MGST3: variants seen among roughly 807,000 people sequenced by gnomAD.
MGST3 encodes the protein glutathione S-transferase 3, mitochondrial.
A neutral mutation model predicts 15.8 loss-of-function variants in MGST3; 13 were observed. That is an observed-to-expected ratio of 0.82 (90% CI 0.54 to 1.31). The LOEUF is 1.31. Ranked by LOEUF, MGST3 falls within the 50% of genes most tolerant of loss-of-function variation. The pLI is 0.00. For missense variants in MGST3, 155 were observed against 192.4 expected (o/e 0.81, Z 1.15); for synonymous variants, 49 against 68.1 (o/e 0.72, Z 1.38).
At chr1:165,638,117 C>A (rs1648163964) in intron 1 of MGST3, among the ~76,000 whole-genome samples, 1 of 152,136 alleles carries the variant, frequency 6.6e-6, no homozygotes, top group Non-Finnish European at 1.5e-5. Context: ...TACTCCAAAA[C>A]AATCATGTTT....
intron 1 of MGST3, among the ~76,000 whole-genome samples, chr1:165,641,910 A>T (rs1648274195): frequency 2.0e-5 from 3 of 152,378 alleles, no homozygotes; most frequent in South Asian, 2.1e-4. Context: ...TAGATAATTC[A>T]AATTTCTTTT....
chr1:165,650,152 G>A lies in MGST3; in HGVS notation c.117+188G>A. 11 of 729,026 alleles carry A rather than the reference G, an allele frequency of 1.5e-5. No individual in the cohort carries two copies. The South Asian group carries it at 2.0e-4, about 13-fold the overall frequency. The allele number at this position is 729,026 out of a possible 1,614,324, so 45.2% of individuals were successfully genotyped here. A position where few individuals can be genotyped will look rare whatever the true frequency, so the allele number is the denominator to read the frequency against. ...GGCAAGAAATACAGGGCCCTGCTAGGGAGTAGTTTCCATCTTGTTTGACTT... is the reference window on the plus strand; with the variant it reads ...GGCAAGAAATACAGGGCCCTGCTAGAGAGTAGTTTCCATCTTGTTTGACTT... On this transcript the variant is annotated intron_variant, in intron 2 of 5. Coordinates refer to ENST00000367889, the MANE Select transcript of MGST3 (RefSeq NM_004528.4).
chr1:165,631,935 C>T (rs1204105033), intron 1 of MGST3: 1 of 348,904 alleles, frequency 2.9e-6, no homozygotes, highest in Non-Finnish European at 5.3e-6. Flanking sequence ...GTGGGGGACT[C>T]TTCAGGTTCT....
At chr1:165,646,621 A>G (rs1362114812) in intron 1 of MGST3, 1 of 152,380 alleles carries the variant, frequency 6.6e-6, no homozygotes, top group East Asian at 1.9e-4. Context: ...ACTTTATACC[A>G]GACACTGTGC....
At chr1:165,645,503 C>T (rs111546110) in intron 1 of MGST3, among the ~76,000 whole-genome samples, 3 of 152,192 alleles carry the variant, frequency 2.0e-5, no homozygotes, top group African/African-American at 7.2e-5. Flanking sequence ...AGAAGGAATA[C>T]ACTATAATGC....
intron 3 of MGST3, 152 bp downstream of exon 3, chr1:165,651,239 G>A (rs11576383): frequency 1.4e-6 from 1 of 706,434 alleles, no homozygotes; most frequent in African/African-American, 1.7e-5. Context: ...TTATGTATGT[G>A]AACACATTGA....
At chr1:165,633,151 C>T (rs1036929994) in intron 1 of MGST3, among the ~76,000 whole-genome samples, 2 of 152,030 alleles carry the variant, frequency 1.3e-5, no homozygotes, top group Admixed American at 6.6e-5. Context: ...TCTTCCTGAA[C>T]AAAAAATTTA....
At chr1:165,650,688 C>T (rs921290171) in intron 2 of MGST3, 11 of 372,688 alleles carry the variant, frequency 3.0e-5, no homozygotes, top group Admixed American at 2.3e-4. Flanking sequence ...TATTTCCCTA[C>T]AGTATCTTTG....
intron 4 of MGST3, chr1:165,653,651 C>A (rs759420787): frequency 3.9e-4 from 61 of 155,488 alleles, no homozygotes; most frequent in Non-Finnish European, 7.8e-4. Context: ...GCATGACAGC[C>A]AAAGGGATGG....
chr1:165,649,348 T>TTC (rs144759247), intron 1 of MGST3: 32 of 162,446 alleles, frequency 2.0e-4, no homozygotes, highest in Admixed American at 5.3e-4. Context: ...CTTTCTTGCT[T>TTC]TCTCTCTCTC....
chr1:165,642,394 CT>C (rs1648285369), intron 1 of MGST3, among the ~76,000 whole-genome samples: 1 of 152,232 alleles, frequency 6.6e-6, no homozygotes, highest in Non-Finnish European at 1.5e-5. Context: ...TTCCTTCTGG[CT>C]GCTTCTGCCT....
intron 1 of MGST3, among the ~76,000 whole-genome samples, chr1:165,632,686 C>A (rs1157788908): frequency 6.6e-6 from 1 of 151,948 alleles, no homozygotes; most frequent in Non-Finnish European, 1.5e-5. Flanking sequence ...ATAGAAACTG[C>A]GCTACAGGGG....
Position 165,655,720 on chromosome 1 carries a change from C to T in MGST3, c.*216C>T, listed in dbSNP as rs1571158831. On this transcript the variant is annotated 3_prime_UTR_variant, in exon 6 of 6. Transcript: ENST00000367889. ...GGAGCCACAAGTATTGTGCCCTCTCCTCACCCTTCCAGCAGATGCTTCTGT... is the reference window on the plus strand; with the variant it reads ...GGAGCCACAAGTATTGTGCCCTCTCTTCACCCTTCCAGCAGATGCTTCTGT... The T allele has an allele frequency of 1.7e-6, 1 of 586,164 alleles. No individual in the cohort carries two copies. The highest frequency in any genetic ancestry group is 3.0e-6 in the Non-Finnish European group (1 of 335,894). The allele number at this position is 586,164 out of a possible 1,614,324, so 36.3% of individuals were successfully genotyped here.
At chr1:165,635,594 T>G (rs890274016) in intron 1 of MGST3, 1 of 152,226 alleles carries the variant, frequency 6.6e-6, no homozygotes, top group African/African-American at 2.4e-5. Flanking sequence ...GCAATTGTTT[T>G]CAGTACCAAC....
intron 1 of MGST3, among the ~76,000 whole-genome samples, chr1:165,639,096 C>T (rs564818178): frequency 7.9e-5 from 12 of 152,308 alleles, no homozygotes; most frequent in South Asian, 2.1e-4. Context: ...AGTATTCCAA[C>T]GATCGTGGAT....
intron 4 of MGST3, 52 bp downstream of exon 4, chr1:165,652,087 T>C (rs553028519): frequency 5.9e-5 from 46 of 777,862 alleles, no homozygotes; most frequent in African/African-American, 5.3e-4. Context: ...CACTGAGCTA[T>C]TATCAGGGAC....
chr1:165,652,366 A>G (rs7549511), intron 4 of MGST3, among the ~76,000 whole-genome samples: 83,005 of 152,002 alleles, frequency 0.55, 23,507 homozygotes, highest in East Asian at 0.81. Context: ...ATTCATTCAC[A>G]CAACAAACTT....
At chr1:165,649,802 A>G (rs1490696752) in intron 1 of MGST3, 39 bp from the exon 2 acceptor site, 1 of 1,613,314 alleles carries the variant, frequency 6.2e-7, no homozygotes. Context: ...AAATAGCCAC[A>G]GTGCTGGGGG....
rs1314264522 is a variant in MGST3 at position 165,652,027 on chromosome 1, T to C, written c.241T>C (p.Tyr81His). The C allele has an allele frequency of 1.2e-6, 2 of 1,612,754 alleles. No homozygotes were observed. The highest frequency in any genetic ancestry group is 3.3e-5 in the Admixed American group (2 of 60,016). ...ATTTTTTCTAGCTGTTGGAGGTGTT[T>C]ACCACCCGGTAAGTTTTCCAGGAGG... ...FLFFLAVGGV[Y>H]HPRIASGLGL... Residue 81 changes from tyrosine (Y) to histidine (H), a missense_variant, in exon 4 of 6, where the codon TAC becomes CAC. By Grantham distance (83) the Tyr-to-His change is moderately conservative. Coordinates refer to ENST00000367889, the MANE Select transcript of MGST3 (RefSeq NM_004528.4).
Sources: gnomAD v4.1 joint callset for allele counts (sites outside exome capture counted in the v4.1 genomes callset) on GRCh38, gnomAD v4.1.1 for gene constraint, MANE v1.5 for transcripts, NCBI Gene and HGNC (gene_info 2026-07-23, HGNC 2026-07-21) for gene names.